SMOC2: variants seen among roughly 807,000 people sequenced by gnomAD.
SMOC2 encodes SPARC-related modular calcium-binding protein 2.
A neutral mutation model predicts 61.4 loss-of-function variants in SMOC2; 39 were observed. That is an observed-to-expected ratio of 0.64 (90% CI 0.49 to 0.83). The LOEUF is 0.83. Ranked by LOEUF, SMOC2 falls within the 40% of genes least tolerant of loss-of-function variation. The pLI is 0.00. For missense variants in SMOC2, 556 were observed against 592.9 expected, an observed-to-expected ratio of 0.94 and a Z score of 0.65; for synonymous variants, 247 against 239.9, an observed-to-expected ratio of 1.03 and a Z score of -0.27.
chr6:168,512,290 C>T (rs1198833147), intron 2 of SMOC2, among the ~76,000 whole-genome samples: 1 of 152,166 alleles, frequency 6.6e-6, no homozygotes, highest in Admixed American at 6.5e-5. Flanking sequence ...CTGCACGGCG[C>T]ATGCTTCCCT....
chr6:168,523,354 C>T (rs113032838), intron 2 of SMOC2, among the ~76,000 whole-genome samples: 16,300 of 149,550 alleles, frequency 0.11, 1,038 homozygotes, highest in South Asian at 0.19. Flanking sequence ...TCCCAAAGTG[C>T]TGGGATTACA....
intron 9 of SMOC2, among the ~76,000 whole-genome samples, chr6:168,623,118 G>A (rs1050322690): frequency 2.0e-5 from 3 of 152,120 alleles, no homozygotes; most frequent in Non-Finnish European, 4.4e-5. Context: ...GTTTAATTCT[G>A]TTCGTGCTCT....
At chr6:168,542,159 C>G (rs546396499) in intron 4 of SMOC2, among the ~76,000 whole-genome samples, 1 of 152,112 alleles carries the variant, frequency 6.6e-6, no homozygotes, top group Non-Finnish European at 1.5e-5. Context: ...AAACTGATGA[C>G]TGAGAAGCTT....
intron 1 of SMOC2, among the ~76,000 whole-genome samples, chr6:168,459,839 G>C (rs1482493403): frequency 7.1e-6 from 1 of 140,812 alleles, no homozygotes; most frequent in Non-Finnish European, 1.6e-5. Flanking sequence ...GTGAGCCGGG[G>C]TGGTGAGCCC....
intron 2 of SMOC2, among the ~76,000 whole-genome samples, chr6:168,523,079 A>ATTCTT (rs551183247): frequency 0.22 from 20,529 of 93,326 alleles, 6,204 homozygotes; most frequent in East Asian, 0.35. Context: ...TTGTACAGTA[A>ATTCTT]TTTTTTTTTT....
rs1781517192 is a variant in SMOC2 at position 168,453,725 on chromosome 6, A to G, written c.84+12271A>G. Among the ~76,000 whole-genome samples, 1 of 149,374 alleles carries G rather than the reference A, an allele frequency of 6.7e-6. No homozygotes were observed. The highest frequency in any genetic ancestry group is 2.5e-5 in the African/African-American group (1 of 40,360). On this transcript the variant is annotated intron_variant, in intron 1 of 12. Transcript: ENST00000356284. This position sits in a 1 kb window ranked among gnomAD's most constrained non-coding sequence, Gnocchi z 4.4. ...ATTGATCTCTGCCATTCTACATACT[A>G]CATCTCTGTCTATCTCTGTCTCTCT...
At chr6:168,529,233 C>T (rs991293840) in intron 4 of SMOC2, among the ~76,000 whole-genome samples, 2 of 152,070 alleles carry the variant, frequency 1.3e-5, no homozygotes, top group African/African-American at 4.8e-5. Flanking sequence ...CTACGTGGAA[C>T]GTTTGGTCCA....
At chr6:168,550,410 C>T (rs1156645771) in intron 7 of SMOC2, among the ~76,000 whole-genome samples, 1 of 152,194 alleles carries the variant, frequency 6.6e-6, no homozygotes, top group East Asian at 1.9e-4. Context: ...CCAGCTCTTA[C>T]ACACCCAACC....
At chr6:168,597,824 C>T (rs149979209) in intron 7 of SMOC2, among the ~76,000 whole-genome samples, 93 of 152,280 alleles carry the variant, frequency 6.1e-4, no homozygotes, top group African/African-American at 2.2e-3. Context: ...TAGATGCTAC[C>T]GCTCTCCCCC....
intron 4 of SMOC2, among the ~76,000 whole-genome samples, chr6:168,533,327 T>G (rs2115084950): frequency 6.6e-6 from 1 of 152,350 alleles, no homozygotes; most frequent in African/African-American, 2.4e-5. Context: ...TAACTATGAC[T>G]TCTGCATTTT....
rs138470307 is a variant in SMOC2 at position 168,573,456 on chromosome 6, C to T, written c.637+24253C>T. On this transcript the variant is annotated intron_variant, in intron 7 of 12. Transcript: ENST00000356284. ...GTGCTGGGACCAGGGCTGCGTGCTCCCTGGGGACTTGGCTGAAAGGCAGCT... is the reference window on the plus strand; with the variant it reads ...GTGCTGGGACCAGGGCTGCGTGCTCTCTGGGGACTTGGCTGAAAGGCAGCT... 7.8e-3 allele frequency among the ~76,000 whole-genome samples: 1,186 copies of T among 152,128 alleles called. 7 individuals are homozygous for T. Among genetic ancestry groups the T allele is most frequent in the South Asian group, 0.047 (227 of 4,800 alleles).
rs765267119 is a variant in SMOC2 at position 168,526,366 on chromosome 6, G to T, written c.277G>T (p.Glu93Ter). The stretch of plus-strand genomic sequence containing the variant: ...TACAGACGTGTCCAGGTGTGTGGCC[G>T]AAAGGAAGTATACCCAGGAGCAAGC... ...NCKDVSRCVA[E>*]RKYTQEQARK... Residue 93 changes from glutamate (E) to a stop codon, truncating the protein, a stop_gained, in exon 3 of 13, where the codon GAA (glutamate) becomes TAA (stop). Coordinates refer to ENST00000356284, the MANE Select transcript of SMOC2 (RefSeq NM_001166412.2). LOFTEE classifies it high-confidence loss of function. 1 of 1,614,194 alleles carries T rather than the reference G, an allele frequency of 6.2e-7. No homozygotes were observed. Among genetic ancestry groups the T allele is most frequent in the Non-Finnish European group, 8.5e-7 (1 of 1,180,026 alleles).
chr6:168,660,721 C>T (rs1390932846), intron 11 of SMOC2, among the ~76,000 whole-genome samples: 3 of 152,192 alleles, frequency 2.0e-5, no homozygotes, highest in African/African-American at 7.2e-5. Flanking sequence ...GAGGTGGATG[C>T]TCAGAGATGG....
intron 1 of SMOC2, among the ~76,000 whole-genome samples, chr6:168,495,961 G>T (rs934405899): frequency 6.6e-6 from 1 of 152,230 alleles, no homozygotes; most frequent in Admixed American, 6.5e-5. Flanking sequence ...TGCCCTGCAT[G>T]CATTTCCTCT....
intron 9 of SMOC2, among the ~76,000 whole-genome samples, chr6:168,613,518 A>T (rs1785946656): frequency 6.6e-6 from 1 of 152,100 alleles, no homozygotes; most frequent in South Asian, 2.1e-4. Flanking sequence ...ACAGCCTCTC[A>T]CCCAAGTGTT....
intron 7 of SMOC2, among the ~76,000 whole-genome samples, chr6:168,579,412 C>A (rs1784876483): frequency 6.6e-6 from 1 of 151,604 alleles, no homozygotes; most frequent in South Asian, 2.1e-4. Flanking sequence ...TTAGGTGAAA[C>A]CACTGGCCCT....
chr6:168,574,436 G>A (rs1583123988), intron 7 of SMOC2, among the ~76,000 whole-genome samples: 1 of 152,338 alleles, frequency 6.6e-6, no homozygotes, highest in Non-Finnish European at 1.5e-5. Context: ...GAGGTCGCCT[G>A]AAGCCCTGGA....
chr6:168,615,172 A>AT (rs1786037383), intron 9 of SMOC2, among the ~76,000 whole-genome samples: 2 of 53,890 alleles, frequency 3.7e-5, no homozygotes, highest in African/African-American at 7.4e-5. Context: ...CAGCCAGCAC[A>AT]GGGCCTCTTC....
chr6:168,608,584 C>T (rs770965552), intron 9 of SMOC2, among the ~76,000 whole-genome samples: 20 of 152,254 alleles, frequency 1.3e-4, no homozygotes, highest in Non-Finnish European at 2.5e-4. Flanking sequence ...TTCATTCTAC[C>T]TACATTTCAC....
Sources: allele counts gnomAD v4.1 joint callset (sites outside exome capture counted in the v4.1 genomes callset), GRCh38; gene constraint gnomAD v4.1.1; non-coding constraint Gnocchi (gnomAD v3.1); transcripts MANE v1.5; gene names NCBI Gene and HGNC (gene_info 2026-07-23, HGNC 2026-07-21).